The following TNIK variants were observed in gnomAD, a reference collection of about 807,000 sequenced individuals.
The protein encoded by TNIK is TRAF2 and NCK interacting kinase, also known as TRAF2 and NCK-interacting protein kinase.
TNIK carries 49 observed loss-of-function variants against 191.3 expected under a neutral mutation model. The observed-to-expected ratio is 0.26, with a 90% CI of 0.20 to 0.32. TNIK has a LOEUF of 0.32. TNIK is among the 10% of genes least tolerant of loss of function. The probability of loss-of-function intolerance (pLI) is 1.00; values close to 1 mark genes in which losing one functional copy is unlikely to be tolerated. For missense variants in TNIK, 1,155 were observed against 1,702.3 expected (o/e 0.68, Z 5.66); for synonymous variants, 594 against 600.9 (o/e 0.99, Z 0.17).
Position 171,311,703 on chromosome 3 carries a change from C to T in TNIK, c.123+57917G>A, listed in dbSNP as rs998309557. On this transcript the variant is annotated intron_variant, in intron 2 of 32. Coordinates refer to ENST00000436636, the MANE Select transcript of TNIK (RefSeq NM_015028.4). ...CCCAAAAGTATTCACCATCATTCTC[C>T]AAACACTTTTTTCCTGGCTTTCCCA... 4.6e-5 allele frequency among the ~76,000 whole-genome samples: 7 copies of T among 152,274 alleles called. No individual in the cohort carries two copies. The East Asian group carries it at 1.2e-3, about 25-fold the overall frequency.
intron 3 of TNIK, among the ~76,000 whole-genome samples, chr3:171,218,932 TTA>T (rs1289891569): frequency 2.3e-5 from 3 of 133,126 alleles, no homozygotes; most frequent in Admixed American, 8.2e-5. Context: ...TTTATATGTT[TTA>T]TATATATTTA....
intron 2 of TNIK, among the ~76,000 whole-genome samples, chr3:171,254,349 G>A (rs1018297289): frequency 6.6e-6 from 1 of 152,198 alleles, no homozygotes; most frequent in Admixed American, 6.5e-5. Flanking sequence ...GCTACAAGAT[G>A]AAGGAATGAT....
At chr3:171,139,380 A>ACACACG (rs1356309678) in intron 14 of TNIK, 90 bp downstream of exon 14, 7,567 of 464,094 alleles carry the variant, frequency 0.016, 10 homozygotes, top group Non-Finnish European at 0.018. Context: ...GCACGCGCGC[A>ACACACG]CACACACACA....
At chr3:171,301,688 G>T (rs1445443777) in intron 2 of TNIK, among the ~76,000 whole-genome samples, 1 of 152,192 alleles carries the variant, frequency 6.6e-6, no homozygotes, top group Non-Finnish European at 1.5e-5. Flanking sequence ...CTATACTGAA[G>T]AAGACTAAAG....
chr3:171,449,889 A>G (rs190789503), intron 1 of TNIK, among the ~76,000 whole-genome samples: 5,083 of 149,944 alleles, frequency 0.034, 170 homozygotes, highest in African/African-American at 0.085. Context: ...TATAAAAATT[A>G]GCCAGGTGTA....
In TNIK at chr3:171,211,121, G is replaced by T. The variant is rs1740762287; in HGVS notation, c.301C>A (p.Leu101Ile). The part of the protein sequence containing the change: ...KKNPPGMDDQ[L>I]WLVMEFCGAG... Reference sequence around the variant, plus strand: ...ATTTGGACGGCAGTACATACCCAAAGTTGGTCATCCATGCCTGGTGGGTTC... The same window carrying T: ...ATTTGGACGGCAGTACATACCCAAATTTGGTCATCCATGCCTGGTGGGTTC... Residue 101 changes from leucine to isoleucine, a missense_variant, in exon 4 of 33, where the codon CTT (leucine) becomes ATT (isoleucine). Leu to Ile is a conservative substitution (Grantham distance 5). Around this residue, in one of 3 missense-constraint regions of TNIK, gnomAD observed 225 missense variants for 438.9 expected, o/e 0.51. Transcript: ENST00000436636. 6 of 1,612,358 alleles carry T rather than the reference G, an allele frequency of 3.7e-6. No individual in the cohort carries two copies. Among genetic ancestry groups the T allele is most frequent in the Non-Finnish European group, 5.1e-6 (6 of 1,179,370 alleles).
At chr3:171,415,955 G>T (rs1722988897) in intron 1 of TNIK, among the ~76,000 whole-genome samples, 1 of 102,566 alleles carries the variant, frequency 9.7e-6, no homozygotes, top group African/African-American at 3.9e-5. Flanking sequence ...CAGCCTGGGT[G>T]ACAGAGCGAG....
At chr3:171,164,379 T>G (rs949763363) in intron 10 of TNIK, among the ~76,000 whole-genome samples, 1 of 152,246 alleles carries the variant, frequency 6.6e-6, no homozygotes, top group African/African-American at 2.4e-5. Context: ...TGAAAAAGTA[T>G]GGGTCAATAA....
At chr3:171,248,581 A>T (rs189560428) in intron 2 of TNIK, among the ~76,000 whole-genome samples, 1 of 152,238 alleles carries the variant, frequency 6.6e-6, no homozygotes, top group Admixed American at 6.5e-5. Flanking sequence ...CTTAGTCAAC[A>T]TCAAAGAACA....
chr3:171,101,724 GA>G (rs1005707314), intron 21 of TNIK, 91 bp from the exon 22 acceptor site: 3,921 of 1,171,134 alleles, frequency 3.3e-3, no homozygotes, highest in South Asian at 4.9e-3. Context: ...TAAGCAACAA[GA>G]AAAAAAAAAG....
At chr3:171,438,979 T>C (rs1194184325) in intron 1 of TNIK, among the ~76,000 whole-genome samples, 1 of 152,168 alleles carries the variant, frequency 6.6e-6, no homozygotes, top group Non-Finnish European at 1.5e-5. Flanking sequence ...AGTTCTACCA[T>C]TAGAAAAGCA....
At chr3:171,422,234 A>G (rs1397322235) in intron 1 of TNIK, among the ~76,000 whole-genome samples, 3 of 152,194 alleles carry the variant, frequency 2.0e-5, no homozygotes, top group Admixed American at 1.3e-4. Context: ...CTCAGGAAAC[A>G]TTAATTTTAA....
chr3:171,249,691 G>A (rs1746011217), intron 2 of TNIK, among the ~76,000 whole-genome samples: 1 of 152,140 alleles, frequency 6.6e-6, no homozygotes, highest in Admixed American at 6.5e-5. Context: ...AGCTATTACT[G>A]TCTTGTACGA....
chr3:171,266,031 A>C (rs1260907346), intron 2 of TNIK, among the ~76,000 whole-genome samples: 1 of 152,196 alleles, frequency 6.6e-6, no homozygotes, highest in East Asian at 1.9e-4. Context: ...ATCTAGAATC[A>C]AAAGGTGGCA....
chr3:171,412,105 G>A (rs1348111172), intron 1 of TNIK, among the ~76,000 whole-genome samples: 1 of 152,144 alleles, frequency 6.6e-6, no homozygotes, highest in Non-Finnish European at 1.5e-5. Context: ...CCAAAAACAA[G>A]GTATGGCCAG....
chr3:171,322,839 C>CTTT (rs10617013), intron 2 of TNIK, among the ~76,000 whole-genome samples: 2 of 136,328 alleles, frequency 1.5e-5, no homozygotes, highest in Non-Finnish European at 3.1e-5. Context: ...GTTTTCTTTT[C>CTTT]TTTTTTTTTT....
chr3:171,323,525 A>G (rs965857619), intron 2 of TNIK, among the ~76,000 whole-genome samples: 3 of 152,174 alleles, frequency 2.0e-5, no homozygotes, highest in Non-Finnish European at 4.4e-5. Context: ...AGTGTTGGGC[A>G]CTGACAATTT....
intron 2 of TNIK, among the ~76,000 whole-genome samples, chr3:171,360,974 G>T (rs1211186261): frequency 6.6e-6 from 1 of 152,204 alleles, no homozygotes; most frequent in Non-Finnish European, 1.5e-5. Flanking sequence ...TGCCCTGATG[G>T]CAATGCCAGG....
At chr3:171,253,644 C>T (rs539780184) in intron 2 of TNIK, among the ~76,000 whole-genome samples, 19 of 123,418 alleles carry the variant, frequency 1.5e-4, no homozygotes, top group African/African-American at 5.8e-4. Flanking sequence ...GAAGTTTAGG[C>T]TGCATGGACC....
Sources: allele counts gnomAD v4.1 joint callset (sites outside exome capture counted in the v4.1 genomes callset), GRCh38; gene constraint gnomAD v4.1.1; regional missense constraint gnomAD v4.1.1; transcripts MANE v1.5; gene names NCBI Gene and HGNC (gene_info 2026-07-23, HGNC 2026-07-21).